Variants in METTL9 observed in about 807,000 individuals in gnomAD.
METTL9 encodes methyltransferase 9, His-X-His N1(pi)-histidine.
A neutral mutation model predicts 36.0 loss-of-function variants in METTL9; 10 were observed. The observed-to-expected ratio is 0.28, with a 90% CI of 0.17 to 0.47. The LOEUF is 0.47. Ranked by LOEUF, METTL9 falls within the 20% of genes least tolerant of loss-of-function variation. The pLI is 0.99. For missense variants in METTL9, 246 were observed against 383.5 expected, an observed-to-expected ratio of 0.64 and a Z score of 3.00; for synonymous variants, 175 against 149.7, an observed-to-expected ratio of 1.17 and a Z score of -1.23.
chr16:21,655,510 G>A lies in METTL9; in HGVS notation c.*78G>A, dbSNP rs917418935. 2.3e-5 allele frequency: 28 copies of A among 1,239,814 alleles called. No individual in the cohort carries two copies. The highest frequency in any genetic ancestry group is 1.4e-4 in the African/African-American group (9 of 66,214). 76.8% of individuals were successfully genotyped at this position (1,239,814 alleles called of 1,614,324 possible). ...GAAGAGGGTCTGTGTTCACAATTAC[G>A]TGAAGGGAGGACCCTTGGGGACCGC... On this transcript the variant is annotated 3_prime_UTR_variant, in exon 5 of 5. Coordinates refer to ENST00000358154, the MANE Select transcript of METTL9 (RefSeq NM_016025.5).
chr16:21,599,752 T>C lies in METTL9; in HGVS notation c.19T>C (p.Trp7Arg). MRLLAGWLCLSLASVWL... is the reference protein window; with the variant it reads MRLLAGRLCLSLASVWL... Reference sequence around the variant, plus strand: ...GCCCCCGATGAGACTGCTGGCGGGCTGGCTGTGCCTGAGCCTGGCGTCCGT... The same window carrying C: ...GCCCCCGATGAGACTGCTGGCGGGCCGGCTGTGCCTGAGCCTGGCGTCCGT... Residue 7 changes from tryptophan (W) to arginine (R), a missense_variant, in exon 1 of 5, where the codon TGG becomes CGG. By Grantham distance (101) the Trp-to-Arg change is moderately radical. This residue lies in a region of METTL9 where 100 missense variants were observed against 81.4 expected (regional missense o/e 1.23). Coordinates refer to ENST00000358154, the MANE Select transcript of METTL9 (RefSeq NM_016025.5). This position sits in a 1 kb window ranked among gnomAD's most constrained non-coding sequence, Gnocchi z 4.4. 1 of 1,527,636 alleles carries C rather than the reference T, an allele frequency of 6.5e-7. No homozygotes were observed. Among genetic ancestry groups the C allele is most frequent in the Non-Finnish European group, 8.7e-7 (1 of 1,145,544 alleles). The allele number at this position is 1,527,636 out of a possible 1,614,324, so 94.6% of individuals were successfully genotyped here.
At chr16:21,645,469 A>G (rs1966397700) in intron 4 of METTL9, among the ~76,000 whole-genome samples, 1 of 152,180 alleles carries the variant, frequency 6.6e-6, no homozygotes, top group Admixed American at 6.5e-5. Context: ...AAAAAAAAGA[A>G]AGAAAAATCC....
Position 21,657,037 on chromosome 16 carries a change from ACTGT to A in METTL9, c.*1610_*1613del, listed in dbSNP as rs1193331254. ...ACAGTTGAGTTTTGCTTCTTTATAAACTGTCTGTTAAAATCAGGGGTTGCTGTTA... is the reference window on the plus strand; with the variant it reads ...ACAGTTGAGTTTTGCTTCTTTATAAACTGTTAAAATCAGGGGTTGCTGTTA... On this transcript the variant is annotated 3_prime_UTR_variant, in exon 5 of 5. Transcript: ENST00000358154. 6.6e-6 allele frequency: 1 copy of A among 151,982 alleles called. No homozygotes were observed. The highest frequency in any genetic ancestry group is 1.5e-5 in the Non-Finnish European group (1 of 67,990). The allele number at this position is 151,982 out of a possible 1,614,324, so 9.4% of individuals were successfully genotyped here.
intron 4 of METTL9, among the ~76,000 whole-genome samples, chr16:21,633,790 G>A (rs942967635): frequency 2.0e-5 from 3 of 152,300 alleles, no homozygotes; most frequent in Middle Eastern, 6.8e-3. Context: ...ATGTTTAACA[G>A]TATCCTGTAA....
At chr16:21,643,239 A>T (rs1966325139) in intron 4 of METTL9, 1 of 1,023,530 alleles carries the variant, frequency 9.8e-7, no homozygotes, top group East Asian at 2.4e-5. Context: ...TTCTTGCTCT[A>T]TTGCCACCGG....
chr16:21,599,637 C>G lies in METTL9; in HGVS notation c.-97C>G, dbSNP rs767522311. 11 of 1,339,144 alleles carry G rather than the reference C, an allele frequency of 8.2e-6. No individual in the cohort carries two copies. The highest frequency in any genetic ancestry group is 3.2e-5 in the East Asian group (1 of 31,112). The allele number at this position is 1,339,144 out of a possible 1,614,324, so 83.0% of individuals were successfully genotyped here. ...GATGGGCAAGGCGGCCGCGATGGCT[C>G]GAGCTCGGGCGGTGGCGGCGGTGGC... is the stretch of plus-strand genomic sequence containing the variant. On this transcript the variant is annotated 5_prime_UTR_variant, in exon 1 of 5. Coordinates refer to ENST00000358154, the MANE Select transcript of METTL9 (RefSeq NM_016025.5). The surrounding 1 kb of genome is among the most constrained non-coding windows in gnomAD (Gnocchi z 4.4).
rs776977872 is a variant in METTL9 at position 21,599,690 on chromosome 16, G to T, written c.-44G>T. On this transcript the variant is annotated 5_prime_UTR_variant, in exon 1 of 5. Coordinates refer to ENST00000358154, the MANE Select transcript of METTL9 (RefSeq NM_016025.5). This position sits in a 1 kb window ranked among gnomAD's most constrained non-coding sequence, Gnocchi z 4.4. ...GAGGCGGCGGTGCCTCCTCCTCCTC[G>T]CCCCGGCGCCGGCGGTGATCCGAGC... 24 of 1,426,180 alleles carry T rather than the reference G, an allele frequency of 1.7e-5. 1 individual carries two copies. The South Asian group carries it at 3.0e-4, about 18-fold the overall frequency. The allele number at this position is 1,426,180 out of a possible 1,614,324, so 88.3% of individuals were successfully genotyped here.
At chr16:21,627,081 T>C (rs1597760210) in intron 4 of METTL9, 2 of 985,326 alleles carry the variant, frequency 2.0e-6, no homozygotes, top group Non-Finnish European at 2.4e-6. Flanking sequence ...CAAGAAGCCT[T>C]GTTGCTATGG....
intron 2 of METTL9, among the ~76,000 whole-genome samples, chr16:21,615,199 G>A (rs1172825508): frequency 6.6e-6 from 1 of 152,092 alleles, no homozygotes; most frequent in East Asian, 1.9e-4. Context: ...TTTCGAAATA[G>A]GACAATGCTT....
intron 4 of METTL9, chr16:21,640,459 CA>C (rs1398315417): frequency 6.6e-6 from 1 of 151,304 alleles, no homozygotes. Flanking sequence ...GGTTAAAAAT[CA>C]GTATTATAGA....
At chr16:21,620,614 A>G (rs1965671051) in intron 3 of METTL9, among the ~76,000 whole-genome samples, 1 of 152,168 alleles carries the variant, frequency 6.6e-6, no homozygotes, top group East Asian at 1.9e-4. Flanking sequence ...ATGGTATGTA[A>G]AGATATCTAC....
At chr16:21,624,876 T>C in intron 3 of METTL9, 55 bp from the exon 4 acceptor site, 1 of 1,494,462 alleles carries the variant, frequency 6.7e-7, no homozygotes, top group Non-Finnish European at 9.3e-7. Context: ...CAGTTATTTT[T>C]AAAGATGTCT....
chr16:21,649,756 A>G (rs919060549), intron 4 of METTL9, among the ~76,000 whole-genome samples: 1 of 152,128 alleles, frequency 6.6e-6, no homozygotes, highest in Non-Finnish European at 1.5e-5. Context: ...CCAAACTGGA[A>G]TGCAGTGGTG....
chr16:21,602,685 T>C (rs1172193587), intron 1 of METTL9, among the ~76,000 whole-genome samples: 1 of 150,358 alleles, frequency 6.7e-6, no homozygotes, highest in Non-Finnish European at 1.5e-5. Flanking sequence ...TGAGATGGAG[T>C]CTCGCTTCGT....
rs1283304706 is a variant in METTL9, at chr16:21,625,058, A to C, written c.694A>C (p.Thr232Pro). 4 of 1,614,200 alleles carry C rather than the reference A, an allele frequency of 2.5e-6. No homozygotes were observed. The highest frequency in any genetic ancestry group is 3.4e-6 in the Non-Finnish European group (4 of 1,180,036). Residue 232 changes from threonine (T) to proline (P), a missense_variant, in exon 4 of 5, where the codon ACT becomes CCT. By Grantham distance (38) the Thr-to-Pro change is conservative (BLOSUM62 -1). Transcript: ENST00000358154. ...AGATATCAGAAGTGTCTTGGAGCCA[A>C]CTAGAGGCAGGGTCATCCTTGCCCT... ...LKDIRSVLEP[T>P]RGRVILALVL... is the part of the protein sequence containing the mutation.
intron 4 of METTL9, among the ~76,000 whole-genome samples, chr16:21,634,880 C>G (rs1260781844): frequency 1.3e-5 from 2 of 152,174 alleles, no homozygotes; most frequent in African/African-American, 4.8e-5. Flanking sequence ...TCCTAATTCT[C>G]CTTAGTCCTT....
intron 2 of METTL9, among the ~76,000 whole-genome samples, chr16:21,614,773 T>A (rs961607492): frequency 6.6e-6 from 1 of 152,124 alleles, no homozygotes; most frequent in Non-Finnish European, 1.5e-5. Context: ...AGAGTTTATT[T>A]TATAAGGAAG....
chr16:21,644,481 T>A lies in METTL9; in HGVS notation c.752-10746T>A. On this transcript the variant is annotated intron_variant, in intron 4 of 4. Transcript: ENST00000358154. ...TGTGTAAAGTATCCTTCACACTGCG[T>A]TTTAGAGGTGAAACGTGAACTTACT... 3 of 933,378 alleles carry A rather than the reference T, an allele frequency of 3.2e-6. No homozygotes were observed. In the South Asian group the frequency reaches 4.3e-5, roughly 13 times the overall value. The allele number at this position is 933,378 out of a possible 1,614,324, so 57.8% of individuals were successfully genotyped here. A position where few individuals can be genotyped will look rare whatever the true frequency, so the allele number is the denominator to read the frequency against.
rs1430828466 is a variant in METTL9 at position 21,657,132 on chromosome 16, AAG to A, written c.*1701_*1702del. On this transcript the variant is annotated 3_prime_UTR_variant, in exon 5 of 5. Coordinates refer to ENST00000358154, the MANE Select transcript of METTL9 (RefSeq NM_016025.5). ...TGCCCCAAAGTGTTTTCTAACTTTCAAGTAGAGAACTTTATGCTCTAATAAGA... is the reference window on the plus strand; with the variant it reads ...TGCCCCAAAGTGTTTTCTAACTTTCATAGAGAACTTTATGCTCTAATAAGA... The A allele has an allele frequency of 2.6e-5, 4 of 152,118 alleles. No homozygotes were observed. 9.4% of individuals were successfully genotyped at this position (152,118 alleles called of 1,614,324 possible).
Sources: gnomAD v4.1 joint callset for allele counts (sites outside exome capture counted in the v4.1 genomes callset) on GRCh38, gnomAD v4.1.1 for gene constraint, gnomAD v4.1.1 regional missense constraint, Gnocchi (gnomAD v3.1) non-coding constraint, MANE v1.5 for transcripts, NCBI Gene and HGNC (gene_info 2026-07-23, HGNC 2026-07-21) for gene names.